The following DST variants were observed in gnomAD, a reference collection of about 807,000 sequenced individuals.
DST encodes dystonin, also known as bullous pemphigoid antigen.
DST carries 253 observed loss-of-function variants against 875.2 expected under a neutral mutation model. That is an observed-to-expected ratio of 0.29 (90% CI 0.26 to 0.32). The LOEUF is 0.32. Among genes scored for constraint, DST ranks in the 10% least tolerant of loss-of-function variants. DST has a pLI of 1.00. For synonymous variants in DST, 3,124 were observed against 3,197.1 expected (o/e 0.98, Z 0.77); for missense variants, 8,287 against 9,111.6 (o/e 0.91, Z 3.68).
rs1334585253 is a variant in DST, at chr6:56,494,113, A to G, written c.20291T>C (p.Met6764Thr). ...TGCAGATTTTGGGCATCTTGCAAGC[A>G]TCTGCTGGCCTTTCTGCATCAGACT... ...YKSLMQKGQQ[M>T]LARCPKSAET... The change falls in exon 83 of 104, where the codon ATG becomes ACG. Residue 6764 changes from methionine (M) to threonine (T), a missense_variant. Met to Thr is a moderately conservative substitution (Grantham distance 81). Around this residue, in one of 10 missense-constraint regions of DST, gnomAD observed 1,292 missense variants for 1,552.7 expected, o/e 0.83. Transcript: ENST00000680361. 1 of 1,612,172 alleles carries G rather than the reference A, an allele frequency of 6.2e-7. No homozygotes were observed. The highest frequency in any genetic ancestry group is 2.2e-5 in the East Asian group (1 of 44,842).
chr6:56,640,475 C>T lies in DST; in HGVS notation c.2158G>A (p.Gly720Arg). The change falls in exon 18 of 104, where the codon GGA becomes AGA. Residue 720 changes from glycine to arginine, a missense_variant. Physicochemically the swap from Gly to Arg is moderately radical, Grantham distance 125 (BLOSUM62 -2). This residue lies in a region of DST where 1,160 missense variants were observed against 1,424.3 expected (regional missense o/e 0.81). Transcript: ENST00000680361. ...ISGITQSLNS[G>R]FAQTLHPSLT... is the part of the protein sequence containing the mutation. ...CTAGGGTGTAAGGTCTGTGCAAATC[C>T]TGAGTTTAAACTTTGAGTGATTCCT... The T allele has an allele frequency of 1.2e-6, 2 of 1,614,150 alleles. No individual in the cohort carries two copies. The highest frequency in any genetic ancestry group is 1.7e-6 in the Non-Finnish European group (2 of 1,180,018).
rs1804845795 is a variant in DST at position 56,922,590 on chromosome 6, C to T, written c.217-21969G>A. Among the ~76,000 whole-genome samples, 6 of 148,288 alleles carry T rather than the reference C, an allele frequency of 4.0e-5. No homozygotes were observed. The South Asian group carries it at 1.3e-3, about 31-fold the overall frequency. On this transcript the variant is annotated intron_variant, in intron 2 of 103. Coordinates refer to ENST00000680361, the MANE Select transcript of DST (RefSeq NM_001374736.1). ...TCAGTGACCTTCTTCTTTGCTAAACCCTCTGTTTTTTTTGCCTTAGAGCAA... is the reference window on the plus strand; with the variant it reads ...TCAGTGACCTTCTTCTTTGCTAAACTCTCTGTTTTTTTTGCCTTAGAGCAA...
chr6:56,840,913 G>A (rs1390049786), intron 4 of DST, among the ~76,000 whole-genome samples: 1 of 152,096 alleles, frequency 6.6e-6, no homozygotes, highest in African/African-American at 2.4e-5. Context: ...TGATAACTTG[G>A]CAACCTGATA....
intron 49 of DST, among the ~76,000 whole-genome samples, chr6:56,589,659 A>G (rs979862650): frequency 6.6e-6 from 1 of 152,194 alleles, no homozygotes; most frequent in African/African-American, 2.4e-5. Flanking sequence ...CCAGGCCTTG[A>G]GACTGGTCCC....
intron 15 of DST, 60 bp downstream of exon 15, chr6:56,645,806 C>G: frequency 1.3e-6 from 2 of 1,582,678 alleles, no homozygotes; most frequent in Non-Finnish European, 1.7e-6. Context: ...AGTTCTTTCA[C>G]AAGAACACAA....
At chr6:56,575,597 A>T (rs2097851972) in intron 50 of DST, among the ~76,000 whole-genome samples, 1 of 152,052 alleles carries the variant, frequency 6.6e-6, no homozygotes, top group Non-Finnish European at 1.5e-5. Context: ...TGTCCCCCAA[A>T]ATTCATATAT....
At chr6:56,627,553 C>A (rs897891534) in intron 33 of DST, among the ~76,000 whole-genome samples, 7 of 152,244 alleles carry the variant, frequency 4.6e-5, no homozygotes, top group East Asian at 3.9e-4. Context: ...TTGGCCACCA[C>A]CTATTTCTGA....
Position 56,526,489 on chromosome 6 carries a change from C to G in DST, c.18001G>C (p.Val6001Leu), listed in dbSNP as rs750420940. 4 of 1,613,768 alleles carry G rather than the reference C, an allele frequency of 2.5e-6. No individual in the cohort carries two copies. Among genetic ancestry groups the G allele is most frequent in the Non-Finnish European group, 3.4e-6 (4 of 1,179,820 alleles). The change falls in exon 69 of 104, where the codon GTA becomes CTA. Residue 6001 changes from valine to leucine, a missense_variant. Coordinates refer to ENST00000680361, the MANE Select transcript of DST (RefSeq NM_001374736.1). ...AGTCCTTCTCTTGCCCTCCATGGTACCAGTTCCAGCAAAGCACTGCTCACT... is the reference window on the plus strand; with the variant it reads ...AGTCCTTCTCTTGCCCTCCATGGTAGCAGTTCCAGCAAAGCACTGCTCACT... Reference protein sequence around the residue: ...NEVSSALLELVPWRAREGLEK... With the variant: ...NEVSSALLELLPWRAREGLEK...
intron 49 of DST, among the ~76,000 whole-genome samples, chr6:56,581,040 G>A (rs1024616042): frequency 8.5e-6 from 1 of 118,158 alleles, no homozygotes; most frequent in African/African-American, 3.5e-5. Flanking sequence ...CAGCCAATTA[G>A]TGGCATTTAT....
Position 56,630,229 on chromosome 6 carries a change from A to G in DST, c.4281+16T>C. ...AGAATACGATATTTAAAAATATCCA[A>G]AAGTGAGTCTCATACCTTTAAAGTA... On this transcript the variant is annotated intron_variant, in intron 31 of 103. Transcript: ENST00000680361. 6.5e-7 allele frequency: 1 copy of G among 1,545,382 alleles called. No individual in the cohort carries two copies. Among genetic ancestry groups the G allele is most frequent in the Non-Finnish European group, 8.9e-7 (1 of 1,121,102 alleles).
intron 12 of DST, 48 bp downstream of exon 12, chr6:56,650,878 G>T: frequency 8.7e-7 from 1 of 1,153,068 alleles, no homozygotes; most frequent in South Asian, 1.3e-5. Flanking sequence ...GCAGTCAATT[G>T]GTCATTACTG....
chr6:56,569,787 T>C (rs916723874), intron 54 of DST, 69 bp downstream of exon 54: 7 of 1,392,040 alleles, frequency 5.0e-6, no homozygotes, highest in African/African-American at 4.3e-5. Context: ...CAAAGAAAAC[T>C]ACCATTAGTC....
rs140981770 is a variant in DST, at chr6:56,642,315, G to C, written c.1872+95C>G. On this transcript the variant is annotated intron_variant, in intron 16 of 103. Coordinates refer to ENST00000680361, the MANE Select transcript of DST (RefSeq NM_001374736.1). The stretch of plus-strand genomic sequence containing the variant: ...TTTAAGTTTCAGTGGAGAGTATTAC[G>C]AAGAATCAACCAAACATTATGTAAA... The C allele has an allele frequency of 1.4e-3, 1,419 of 993,650 alleles. 5 individuals carry two copies. In the African/African-American group the frequency reaches 0.02, roughly 14 times the overall value. The allele number at this position is 993,650 out of a possible 1,614,324, so 61.6% of individuals were successfully genotyped here. A position where few individuals can be genotyped will look rare whatever the true frequency, so the allele number is the denominator to read the frequency against.
chr6:56,462,210 T>A (rs778091570), intron 102 of DST: 1 of 152,210 alleles, frequency 6.6e-6, no homozygotes, highest in East Asian at 1.9e-4. Flanking sequence ...GGGATTCTAA[T>A]AAAATATCTG....
At chr6:56,636,977 G>A (rs1032250008) in intron 22 of DST, among the ~76,000 whole-genome samples, 1 of 152,138 alleles carries the variant, frequency 6.6e-6, no homozygotes, top group Non-Finnish European at 1.5e-5. Context: ...CAGCTACTCA[G>A]GAGGCCAAGG....
chr6:56,893,738 C>T (rs1382070822), intron 3 of DST, among the ~76,000 whole-genome samples: 2 of 57,616 alleles, frequency 3.5e-5, no homozygotes, highest in Non-Finnish European at 6.0e-5. Flanking sequence ...AGGCAGAGGA[C>T]CCTGCGGCCT....
chr6:56,603,261 T>C lies in DST; in HGVS notation c.11101A>G (p.Ser3701Gly). 3 of 1,609,286 alleles carry C rather than the reference T, an allele frequency of 1.9e-6. No homozygotes were observed. The highest frequency in any genetic ancestry group is 2.5e-6 in the Non-Finnish European group (3 of 1,178,066). ...QSLKTAFSSL[S>G]NVSSERTKQI... Reference sequence around the variant, plus strand: ...TTCGTTCTTTCTGAAGACACGTTGCTGAGGGAAGAGAAGGCGGTCTTCAAA... The same window carrying C: ...TTCGTTCTTTCTGAAGACACGTTGCCGAGGGAAGAGAAGGCGGTCTTCAAA... The change falls in exon 42 of 104, where the codon AGC becomes GGC. Residue 3701 changes from serine to glycine, a missense_variant. Physicochemically the swap from Ser to Gly is moderately conservative, Grantham distance 56 (BLOSUM62 0). Transcript: ENST00000680361.
chr6:56,546,391 A>ATATATATAT (rs2097227934), intron 61 of DST, among the ~76,000 whole-genome samples: 3 of 87,834 alleles, frequency 3.4e-5, no homozygotes, highest in East Asian at 4.4e-4. Flanking sequence ...TATATATATA[A>ATATATATAT]ATGTCAAAAA....
chr6:56,634,380 C>G (rs1021432716), intron 26 of DST, 82 bp downstream of exon 26: 1 of 1,606,056 alleles, frequency 6.2e-7, no homozygotes, highest in African/African-American at 1.3e-5. Flanking sequence ...TCCTGTGGGG[C>G]CTTGACAAAG....
Sources: allele counts gnomAD v4.1 joint callset (sites outside exome capture counted in the v4.1 genomes callset), GRCh38; gene constraint gnomAD v4.1.1; regional missense constraint gnomAD v4.1.1; transcripts MANE v1.5; gene names NCBI Gene and HGNC (gene_info 2026-07-23, HGNC 2026-07-21).